Variants in OLFM1 observed in about 807,000 individuals in gnomAD.
The protein encoded by OLFM1 is noelin.
In OLFM1, 9 loss-of-function variants were observed where a neutral mutation model predicts 49.7. The ratio of observed to expected loss-of-function variants is 0.18; its 90% CI spans 0.11 to 0.32. The LOEUF is 0.32. Among genes scored for constraint, OLFM1 ranks in the 10% least tolerant of loss-of-function variants. The pLI, the probability that OLFM1 is intolerant of heterozygous loss-of-function variation, is 1.00. For synonymous variants in OLFM1, 240 were observed against 271.8 expected (o/e 0.88, Z 1.15); for missense variants, 369 against 661.8 (o/e 0.56, Z 4.85).
At chr9:135,081,702 G>A (rs112448705) in intron 1 of OLFM1, among the ~76,000 whole-genome samples, 2,579 of 152,286 alleles carry the variant, frequency 0.017, 64 homozygotes, top group African/African-American at 0.058. Context: ...GGGGCCAGGC[G>A]CACTGGCTCA....
rs1831047900 is a variant in OLFM1, at chr9:135,113,232, G to A, written c.784-6272G>A. On this transcript the variant is annotated intron_variant, in intron 5 of 5. Coordinates refer to ENST00000371793, the MANE Select transcript of OLFM1 (RefSeq NM_001282611.2). This position sits in a 1 kb window ranked among gnomAD's most constrained non-coding sequence, Gnocchi z 4.0. ...GATGGGTGTCACGGCCTGTCTTGCT[G>A]CATCCTGGGCTAGTCCGGAGGCCAA... 6.6e-6 allele frequency among the ~76,000 whole-genome samples: 1 copy of A among 152,068 alleles called. No homozygotes were observed. Among genetic ancestry groups the A allele is most frequent in the South Asian group, 2.1e-4 (1 of 4,818 alleles).
rs143484099 is a variant in OLFM1, at chr9:135,088,828, C to G, written c.150+689C>G. Reference sequence around the variant, plus strand: ...CTCGCCTTTGCCTTCGTCTTCTGCGCGCACCCCTCCCTCCTGGCCTCTGAA... The same window carrying G: ...CTCGCCTTTGCCTTCGTCTTCTGCGGGCACCCCTCCCTCCTGGCCTCTGAA... On this transcript the variant is annotated intron_variant, in intron 1 of 5. Coordinates refer to ENST00000371793, the MANE Select transcript of OLFM1 (RefSeq NM_001282611.2). The surrounding 1 kb of genome is among the most constrained non-coding windows in gnomAD (Gnocchi z 4.8). Among the ~76,000 whole-genome samples the G allele has an allele frequency of 1.3e-5, 2 of 152,338 alleles. No individual in the cohort carries two copies. The highest frequency in any genetic ancestry group is 2.9e-5 in the Non-Finnish European group (2 of 68,024).
Position 135,120,185 on chromosome 9 carries a change from C to T in OLFM1, c.*7C>T, listed in dbSNP as rs1588227307. ...CCGCTCCGACGAGTTGTAGCTCCCT[C>T]CTCCTGGAAGCCAAGGGCCCACGTC... On this transcript the variant is annotated 3_prime_UTR_variant, in exon 6 of 6. Coordinates refer to ENST00000371793, the MANE Select transcript of OLFM1 (RefSeq NM_001282611.2). The T allele has an allele frequency of 6.3e-7, 1 of 1,599,594 alleles. No individual in the cohort carries two copies. The highest frequency in any genetic ancestry group is 8.5e-7 in the Non-Finnish European group (1 of 1,172,386).
intron 4 of OLFM1, among the ~76,000 whole-genome samples, chr9:135,105,448 G>A (rs1295356283): frequency 2.6e-5 from 4 of 152,220 alleles, no homozygotes; most frequent in South Asian, 2.1e-4. Context: ...GGCCGGGAGC[G>A]TTCCTCTTTC....
intron 4 of OLFM1, among the ~76,000 whole-genome samples, chr9:135,099,696 A>G (rs547776332): frequency 6.6e-6 from 1 of 152,174 alleles, no homozygotes; most frequent in Admixed American, 6.5e-5. Context: ...ATCCATTTTG[A>G]TGTGTGCATG....
chr9:135,083,435 G>A (rs1830557400), upstream of OLFM1, among the ~76,000 whole-genome samples: 1 of 152,134 alleles, frequency 6.6e-6, no homozygotes, highest in African/African-American at 2.4e-5. Context: ...TCTCTGGATG[G>A]ACAAGGAACT....
At chr9:135,087,367 C>T (rs1186847720), upstream of OLFM1, 3 of 1,545,880 alleles carry the variant, frequency 1.9e-6, no homozygotes, top group South Asian at 2.4e-5. Flanking sequence ...GATGCCCCGG[C>T]GTGAGGATGG....
chr9:135,090,648 A>G (rs62573439), intron 2 of OLFM1, among the ~76,000 whole-genome samples: 5,061 of 152,180 alleles, frequency 0.033, 163 homozygotes, highest in African/African-American at 0.083. Flanking sequence ...CCCTGTCACC[A>G]CAGGCTCCAC....
chr9:135,119,995 C>T lies in OLFM1; in HGVS notation c.1275C>T (p.His425=), dbSNP rs1831165303. 1 of 1,613,726 alleles carries T rather than the reference C, an allele frequency of 6.2e-7. No homozygotes were observed. The highest frequency in any genetic ancestry group is 1.3e-5 in the African/African-American group (1 of 74,928). Residue 425 remains histidine (H), a synonymous_variant, in exon 6 of 6, where the codon CAC becomes CAT. Transcript: ENST00000371793. ...TNGYSGGTKV[H]YAYQTNASTY... is the part of the protein sequence containing the mutation. ...GCTACTCAGGGGGTACCAAGGTCCA[C>T]TATGCATACCAGACCAATGCCTCCA...
Position 135,078,438 on chromosome 9 carries a change from C to T in OLFM1, c.96+2636C>T, listed in dbSNP as rs553717942. On this transcript the variant is annotated intron_variant, in intron 1 of 5. Coordinates refer to the OLFM1 transcript ENST00000252854. ...CAGGCAGGGGGAGTGGAGCACATGGCGGGGCCATCTGTTCTCCCGACAGCT... is the reference window on the plus strand; with the variant it reads ...CAGGCAGGGGGAGTGGAGCACATGGTGGGGCCATCTGTTCTCCCGACAGCT... Among the ~76,000 whole-genome samples the T allele has an allele frequency of 2.0e-5, 3 of 152,352 alleles. No individual in the cohort carries two copies. The South Asian group carries it at 6.2e-4, about 32-fold the overall frequency.
upstream of OLFM1, chr9:135,086,468 G>C: frequency 2.7e-6 from 1 of 376,738 alleles, no homozygotes. Context: ...GCGGGCGCCA[G>C]GGAGGCGCGC....
At chr9:135,091,560 G>A (rs1830690125) in intron 2 of OLFM1, among the ~76,000 whole-genome samples, 1 of 104,928 alleles carries the variant, frequency 9.5e-6, no homozygotes, top group African/African-American at 4.7e-5. Flanking sequence ...CACACTCATA[G>A]TCACACACAC....
upstream of OLFM1, chr9:135,087,128 G>T: frequency 9.4e-7 from 1 of 1,060,220 alleles, no homozygotes; most frequent in Non-Finnish European, 1.3e-6. Flanking sequence ...TGGGATCGCA[G>T]GGGCGCCTTT....
In OLFM1 at chr9:135,080,871, G is replaced by A. The variant is rs903832143; in HGVS notation, c.96+5069G>A. 4.6e-5 allele frequency among the ~76,000 whole-genome samples: 7 copies of A among 152,052 alleles called. No individual in the cohort carries two copies. Among genetic ancestry groups the A allele is most frequent in the African/African-American group, 1.7e-4 (7 of 41,392 alleles). On this transcript the variant is annotated intron_variant, in intron 1 of 5. Transcript: ENST00000252854. The surrounding 1 kb of genome is among the most constrained non-coding windows in gnomAD (Gnocchi z 4.5). ...CCTCAGCGCTGTCCCGACTGGCACCGCAGGGCGACCGAAGGGAGGGGAAGA... is the reference window on the plus strand; with the variant it reads ...CCTCAGCGCTGTCCCGACTGGCACCACAGGGCGACCGAAGGGAGGGGAAGA...
At chr9:135,093,021 C>T (rs1020955346) in intron 2 of OLFM1, among the ~76,000 whole-genome samples, 7 of 152,178 alleles carry the variant, frequency 4.6e-5, no homozygotes, top group Admixed American at 4.6e-4. Context: ...GCCCATGTGC[C>T]CTGTTGATAG....
At position 135,077,007 on chromosome 9, in the gene OLFM1, T is replaced by C. The variant is rs561379235; in HGVS notation, c.96+1205T>C. 29 of 1,550,536 alleles carry C rather than the reference T, an allele frequency of 1.9e-5. No individual in the cohort carries two copies. In the South Asian group the frequency reaches 3.4e-4, roughly 18 times the overall value. ...TCGTCCCGCTTACCCTCAGAGCCCT[T>C]CTCCTGGTGCTGCCCAGACGATCAG... On this transcript the variant is annotated intron_variant, in intron 1 of 5. Coordinates refer to the OLFM1 transcript ENST00000252854.
chr9:135,097,839 T>A, intron 3 of OLFM1: 1 of 1,611,800 alleles, frequency 6.2e-7, no homozygotes, highest in Non-Finnish European at 8.5e-7. Flanking sequence ...TCCACTCCCA[T>A]GTAACCATGA....
exon 1 of OLFM1, chr9:135,075,797 A>G (rs750965872): frequency 1.2e-6 from 2 of 1,602,460 alleles, no homozygotes; most frequent in Non-Finnish European, 1.7e-6. Context: ...CACTGAACTC[A>G]CTCAAGTACG....
At chr9:135,086,235 G>A (rs1245025176), upstream of OLFM1, among the ~76,000 whole-genome samples, 2 of 152,256 alleles carry the variant, frequency 1.3e-5, no homozygotes, top group Non-Finnish European at 2.9e-5. Context: ...TACACTGGGA[G>A]ATGGCGCCCT....
Sources: gnomAD v4.1 joint callset for allele counts (sites outside exome capture counted in the v4.1 genomes callset) on GRCh38, gnomAD v4.1.1 for gene constraint, Gnocchi (gnomAD v3.1) non-coding constraint, MANE v1.5 for transcripts, NCBI Gene and HGNC (gene_info 2026-07-23, HGNC 2026-07-21) for gene names.